Variants in MDFIC2 observed in about 807,000 individuals in gnomAD.
MDFIC2 encodes the protein MyoD family inhibitor domain containing 2, also known as myoD family inhibitor domain-containing protein 2.
intron 2 of MDFIC2, among the ~76,000 whole-genome samples, chr3:70,267,927 T>C (rs4974265): frequency 0.096 from 14,540 of 151,872 alleles, 883 homozygotes; most frequent in South Asian, 0.21. Context: ...TTTCCTTTTC[T>C]TCCCATCCCC....
chr3:70,309,171 A>G (rs1381728229), intron 2 of MDFIC2, among the ~76,000 whole-genome samples: 2 of 152,104 alleles, frequency 1.3e-5, no homozygotes, highest in Non-Finnish European at 2.9e-5. Flanking sequence ...AATGAATAGA[A>G]TTTGGACCTC....
At chr3:70,239,054 G>T (rs552028907) in intron 2 of MDFIC2, among the ~76,000 whole-genome samples, 1 of 152,220 alleles carries the variant, frequency 6.6e-6, no homozygotes, top group South Asian at 2.1e-4. Context: ...CTTAAAATTG[G>T]AGGCTGAATC....
At chr3:70,272,095 A>G (rs1406821068) in intron 2 of MDFIC2, 2 of 152,176 alleles carry the variant, frequency 1.3e-5, no homozygotes, top group Non-Finnish European at 2.9e-5. Flanking sequence ...AATAACAACA[A>G]TCCCCAAATA....
At chr3:70,257,701 C>G (rs780347682) in intron 2 of MDFIC2, among the ~76,000 whole-genome samples, 1 of 152,140 alleles carries the variant, frequency 6.6e-6, no homozygotes. Flanking sequence ...ATTCATGCAT[C>G]GGAAGACTCA....
chr3:70,224,886 A>T lies in MDFIC2; in HGVS notation c.89-18096T>A, dbSNP rs559974482. Among the ~76,000 whole-genome samples the T allele has an allele frequency of 5.3e-5, 8 of 152,282 alleles. No individual in the cohort carries two copies. The East Asian group carries it at 1.5e-3, about 29-fold the overall frequency. On this transcript the variant is annotated intron_variant, in intron 2 of 3. Coordinates refer to ENST00000567252, the MANE Select transcript of MDFIC2 (RefSeq NM_001364677.1). Reference sequence around the variant, plus strand: ...GATGGCTGAAAATGTATGTTAAGTGAAAACATAATATTATACCCTCTTTTC... The same window carrying T: ...GATGGCTGAAAATGTATGTTAAGTGTAAACATAATATTATACCCTCTTTTC...
At chr3:70,237,660 G>A (rs1463859700) in intron 2 of MDFIC2, among the ~76,000 whole-genome samples, 1 of 152,088 alleles carries the variant, frequency 6.6e-6, no homozygotes, top group African/African-American at 2.4e-5. Flanking sequence ...GCCTAAATAG[G>A]GAAAAGATTG....
chr3:70,305,080 G>C (rs535903768), intron 2 of MDFIC2, among the ~76,000 whole-genome samples: 1 of 152,114 alleles, frequency 6.6e-6, no homozygotes, highest in South Asian at 2.1e-4. Context: ...CTTGACCACT[G>C]ATTCTAAAGG....
intron 2 of MDFIC2, chr3:70,291,137 C>A (rs1702235157): frequency 2.0e-5 from 3 of 152,146 alleles, no homozygotes; most frequent in South Asian, 4.1e-4. Flanking sequence ...GCAGTTTTAC[C>A]ATAAAAAGTA....
chr3:70,241,195 T>A (rs6549302), intron 2 of MDFIC2, among the ~76,000 whole-genome samples: 150,475 of 152,258 alleles, frequency 0.99, 74,383 homozygotes, highest in East Asian at 1. Flanking sequence ...GCTAGAACGG[T>A]TCCTCATAAA....
At position 70,253,428 on chromosome 3, in the gene MDFIC2, C is replaced by T. The variant is rs138564744; in HGVS notation, c.89-46638G>A. Among the ~76,000 whole-genome samples, 392 of 152,230 alleles carry T rather than the reference C, an allele frequency of 2.6e-3. 7 individuals are homozygous for T. Among genetic ancestry groups the T allele is most frequent in the African/African-American group, 8.7e-3 (362 of 41,538 alleles). On this transcript the variant is annotated intron_variant, in intron 2 of 3. Transcript: ENST00000567252. ...TTGTAGAATACCAGAGCCTTGGCTG[C>T]TTTCGGTGGGGCACCTTATTTCCAC...
At chr3:70,293,958 A>G (rs557265254) in intron 2 of MDFIC2, among the ~76,000 whole-genome samples, 1 of 152,080 alleles carries the variant, frequency 6.6e-6, no homozygotes, top group Non-Finnish European at 1.5e-5. Context: ...CAGAGGGAGC[A>G]TACAAGCAGA....
At chr3:70,254,015 G>C (rs1424458618) in intron 2 of MDFIC2, among the ~76,000 whole-genome samples, 1 of 152,140 alleles carries the variant, frequency 6.6e-6, no homozygotes, top group African/African-American at 2.4e-5. Context: ...CAAATGCAGA[G>C]ATAAGACTAA....
chr3:70,262,620 A>T (rs1013858382), intron 2 of MDFIC2, among the ~76,000 whole-genome samples: 1 of 152,182 alleles, frequency 6.6e-6, no homozygotes, highest in Non-Finnish European at 1.5e-5. Flanking sequence ...ATATTCTGCT[A>T]GGTTCAAAGC....
chr3:70,290,802 G>T (rs142105516), intron 2 of MDFIC2, among the ~76,000 whole-genome samples: 25 of 152,292 alleles, frequency 1.6e-4, no homozygotes, highest in African/African-American at 5.5e-4. Context: ...CGCAGTATTC[G>T]GGTGGGAGTG....
At chr3:70,269,383 A>G (rs1045933470) in intron 2 of MDFIC2, among the ~76,000 whole-genome samples, 4 of 152,158 alleles carry the variant, frequency 2.6e-5, no homozygotes, top group Non-Finnish European at 5.9e-5. Flanking sequence ...ACACCCTGTA[A>G]CCTACTTAGG....
chr3:70,253,769 A>T (rs896245422), intron 2 of MDFIC2, among the ~76,000 whole-genome samples: 2 of 152,216 alleles, frequency 1.3e-5, no homozygotes, highest in African/African-American at 4.8e-5. Context: ...TTTTATCCAG[A>T]TGTTGAAATC....
intron 2 of MDFIC2, among the ~76,000 whole-genome samples, chr3:70,234,849 C>T (rs926630543): frequency 8.5e-5 from 13 of 152,142 alleles, no homozygotes; most frequent in Non-Finnish European, 1.9e-4. Context: ...GGAATGCCTC[C>T]TCTTCTTCTC....
chr3:70,230,961 C>T (rs1353699743), intron 2 of MDFIC2, among the ~76,000 whole-genome samples: 1 of 152,192 alleles, frequency 6.6e-6, no homozygotes, highest in East Asian at 1.9e-4. Context: ...GATCCCATTT[C>T]GCAGTGATTC....
chr3:70,206,453 C>T (rs1701291504), intron 3 of MDFIC2, 116 bp downstream of exon 3: 1 of 394,782 alleles, frequency 2.5e-6, no homozygotes, highest in African/African-American at 2.1e-5. Context: ...AAATCGAAGT[C>T]TTCGTGTTTA....
Sources: allele counts gnomAD v4.1 joint callset (sites outside exome capture counted in the v4.1 genomes callset), GRCh38; gene constraint gnomAD v4.1.1; transcripts MANE v1.5; gene names NCBI Gene and HGNC (gene_info 2026-07-23, HGNC 2026-07-21).